The following CACNG3 variants were observed in gnomAD, a reference collection of about 807,000 sequenced individuals.
CACNG3 encodes the protein voltage-dependent calcium channel gamma-3 subunit.
A neutral mutation model predicts 28.5 loss-of-function variants in CACNG3; 3 were observed. The observed-to-expected ratio is 0.11, with a 90% CI of 0.05 to 0.27. The LOEUF (loss-of-function observed/expected upper bound fraction) is 0.27. Ranked by LOEUF, CACNG3 falls within the 10% of genes least tolerant of loss-of-function variation. The pLI, the probability that CACNG3 is intolerant of heterozygous loss-of-function variation, is 1.00. For synonymous variants in CACNG3, 174 were observed against 162.2 expected, an observed-to-expected ratio of 1.07 and a Z score of -0.55; for missense variants, 236 against 414.4, an observed-to-expected ratio of 0.57 and a Z score of 3.74.
chr16:24,360,204 T>C (rs1900087700), intron 3 of CACNG3, among the ~76,000 whole-genome samples: 2 of 151,920 alleles, frequency 1.3e-5, no homozygotes, highest in Admixed American at 6.6e-5. Context: ...CCATGAGTCA[T>C]TGTTGGCACC....
rs113273129 is a variant in CACNG3, at chr16:24,305,286, G to GTATA, written c.212-41437_212-41434dup. Among the ~76,000 whole-genome samples the GTATA allele has an allele frequency of 1.6e-4, 23 of 147,930 alleles. 3 individuals are homozygous for GTATA. The highest frequency in any genetic ancestry group is 8.0e-4 in the East Asian group (4 of 4,998). ...CTAAAACTGCTCTAAAAACTAAAAA[G>GTATA]TATATATATATATACAAACTTATAT... On this transcript the variant is annotated intron_variant, in intron 1 of 3. Coordinates refer to ENST00000005284, the MANE Select transcript of CACNG3 (RefSeq NM_006539.4).
At chr16:24,285,300 A>C (rs969746514) in intron 1 of CACNG3, among the ~76,000 whole-genome samples, 1 of 152,182 alleles carries the variant, frequency 6.6e-6, no homozygotes, top group Admixed American at 6.5e-5. Flanking sequence ...AATAATTGCA[A>C]ACACAGATTG....
chr16:24,301,147 G>A (rs575543834), intron 1 of CACNG3, among the ~76,000 whole-genome samples: 1 of 151,018 alleles, frequency 6.6e-6, no homozygotes, highest in Non-Finnish European at 1.5e-5. Flanking sequence ...GGAGGCAGAG[G>A]TTGCTGTGAA....
chr16:24,299,019 G>C (rs1352578790), intron 1 of CACNG3, among the ~76,000 whole-genome samples: 1 of 152,118 alleles, frequency 6.6e-6, no homozygotes, highest in Non-Finnish European at 1.5e-5. Context: ...AGTCGTGTTT[G>C]CCAGGTCTCG....
At chr16:24,335,618 G>C in intron 1 of CACNG3, among the ~76,000 whole-genome samples, 1 of 152,230 alleles carries the variant, frequency 6.6e-6, no homozygotes, top group South Asian at 2.1e-4. Flanking sequence ...GCAGAGCTGG[G>C]ATTCAAACCC....
At chr16:24,299,073 C>G (rs764319357) in intron 1 of CACNG3, among the ~76,000 whole-genome samples, 28 of 151,996 alleles carry the variant, frequency 1.8e-4, no homozygotes, top group Admixed American at 8.5e-4. Flanking sequence ...CTATTGTATT[C>G]TTTGGAAGGT....
intron 1 of CACNG3, among the ~76,000 whole-genome samples, chr16:24,297,254 T>C (rs879905234): frequency 2.4e-5 from 3 of 124,942 alleles, no homozygotes; most frequent in African/African-American, 4.1e-5. Flanking sequence ...TCTCTAAAAA[T>C]AAAATAAAAT....
intron 1 of CACNG3, among the ~76,000 whole-genome samples, chr16:24,283,542 T>C (rs1418151696): frequency 6.6e-6 from 1 of 152,240 alleles, no homozygotes; most frequent in Non-Finnish European, 1.5e-5. Flanking sequence ...ATTACAGATC[T>C]ATAATTATTT....
chr16:24,348,137 C>T (rs1286466952), intron 2 of CACNG3, among the ~76,000 whole-genome samples: 1 of 152,158 alleles, frequency 6.6e-6, no homozygotes, highest in African/African-American at 2.4e-5. Flanking sequence ...ATGGCTCACA[C>T]CTGTAATCTC....
intron 1 of CACNG3, among the ~76,000 whole-genome samples, chr16:24,317,696 G>GAAAGAAAGAAAGAAAGAAAGAA (rs1899399313): frequency 2.8e-5 from 3 of 108,574 alleles, no homozygotes; most frequent in African/African-American, 1.2e-4. Flanking sequence ...AAGAAAGAAA[G>GAAAGAAAGAAAGAAAGAAAGAA]AAAGAAAGAA....
chr16:24,264,734 A>G (rs1898574975), intron 1 of CACNG3, among the ~76,000 whole-genome samples: 1 of 152,216 alleles, frequency 6.6e-6, no homozygotes, highest in African/African-American at 2.4e-5. Flanking sequence ...TCAACATGCA[A>G]TTTGAAATGT....
intron 1 of CACNG3, among the ~76,000 whole-genome samples, chr16:24,305,373 G>A (rs907052502): frequency 1.4e-5 from 2 of 146,082 alleles, no homozygotes; most frequent in Admixed American, 1.4e-4. Context: ...TGTGTAGACA[G>A]GTTTAGAGAC....
At chr16:24,282,076 C>T (rs1450465606) in intron 1 of CACNG3, among the ~76,000 whole-genome samples, 3 of 152,192 alleles carry the variant, frequency 2.0e-5, no homozygotes. Flanking sequence ...TCCACTGCAA[C>T]GCAGCAGTTT....
At chr16:24,321,961 C>T (rs1567218760) in intron 1 of CACNG3, among the ~76,000 whole-genome samples, 1 of 152,192 alleles carries the variant, frequency 6.6e-6, no homozygotes, top group Non-Finnish European at 1.5e-5. Flanking sequence ...CAGTTTCAGA[C>T]ATCCACTGGG....
chr16:24,351,621 G>T (rs1310742182), intron 2 of CACNG3, among the ~76,000 whole-genome samples: 1 of 101,998 alleles, frequency 9.8e-6, no homozygotes, highest in African/African-American at 4.4e-5. Flanking sequence ...GGAAGGGGAA[G>T]GAGGGGAAGG....
intron 1 of CACNG3, among the ~76,000 whole-genome samples, chr16:24,305,099 G>T (rs1899167300): frequency 1.3e-5 from 2 of 152,094 alleles, no homozygotes; most frequent in African/African-American, 2.4e-5. Flanking sequence ...TAATGTAAGT[G>T]ATGGATTCTG....
intron 3 of CACNG3, among the ~76,000 whole-genome samples, chr16:24,355,794 G>A (rs1900024029): frequency 6.6e-6 from 1 of 152,042 alleles, no homozygotes; most frequent in South Asian, 2.1e-4. Flanking sequence ...GTCATCACGA[G>A]AGTCCAGCCC....
intron 2 of CACNG3, among the ~76,000 whole-genome samples, chr16:24,348,445 T>A (rs1899899237): frequency 6.6e-6 from 1 of 152,164 alleles, no homozygotes; most frequent in African/African-American, 2.4e-5. Flanking sequence ...TAGTGTCAGA[T>A]GCAGCATTAT....
intron 1 of CACNG3, among the ~76,000 whole-genome samples, chr16:24,266,497 G>A (rs139041343): frequency 6.6e-6 from 1 of 152,050 alleles, no homozygotes; most frequent in Non-Finnish European, 1.5e-5. Flanking sequence ...GTAATCAAAG[G>A]TATGACTGTA....
Sources: allele counts gnomAD v4.1 joint callset (sites outside exome capture counted in the v4.1 genomes callset), GRCh38; gene constraint gnomAD v4.1.1; transcripts MANE v1.5; gene names NCBI Gene and HGNC (gene_info 2026-07-23, HGNC 2026-07-21).